Variants in ATP9A observed in about 807,000 individuals in gnomAD.
ATP9A encodes probable phospholipid-transporting ATPase IIA.
ATP9A carries 52 observed loss-of-function variants against 144.1 expected under a neutral mutation model. The ratio of observed to expected loss-of-function variants is 0.36; its 90% confidence interval spans 0.29 to 0.45. ATP9A has a LOEUF of 0.45. ATP9A is among the 20% of genes least tolerant of loss of function. ATP9A has a pLI of 1.00. For synonymous variants in ATP9A, 582 were observed against 557.4 expected (o/e 1.04, Z -0.62); for missense variants, 947 against 1,392.7 (o/e 0.68, Z 5.09).
At chr20:51,692,811 T>C (rs1020765668) in intron 7 of ATP9A, among the ~76,000 whole-genome samples, 12 of 152,068 alleles carry the variant, frequency 7.9e-5, no homozygotes, top group Non-Finnish European at 1.6e-4. Context: ...CATAAATAAA[T>C]AAATAATAAA....
intron 4 of ATP9A, among the ~76,000 whole-genome samples, chr20:51,702,348 T>C (rs1214953453): frequency 7.0e-6 from 1 of 142,362 alleles, no homozygotes; most frequent in Non-Finnish European, 1.5e-5. Context: ...GCCTTCATGC[T>C]TCATGGTGTG....
Position 51,609,709 on chromosome 20 carries a change from G to T in ATP9A, c.2636+392C>A, listed in dbSNP as rs192660076. On this transcript the variant is annotated intron_variant, in intron 24 of 27. Coordinates refer to ENST00000338821, the MANE Select transcript of ATP9A (RefSeq NM_006045.3). Reference sequence around the variant, plus strand: ...GCTCCAAGGATGGGACTTCTACTGGGCTCAGTTCAGGCCAGGAGGGCATTT... The same window carrying T: ...GCTCCAAGGATGGGACTTCTACTGGTCTCAGTTCAGGCCAGGAGGGCATTT... Among the ~76,000 whole-genome samples the T allele has an allele frequency of 1.8e-3, 269 of 152,274 alleles. 2 individuals are homozygous for T. Among genetic ancestry groups the T allele is most frequent in the East Asian group, 9.7e-4 (5 of 5,176 alleles).
Position 51,692,724 on chromosome 20 carries a change from C to T in ATP9A, c.642+1284G>A, listed in dbSNP as rs1411721795. On this transcript the variant is annotated intron_variant, in intron 7 of 27. Coordinates refer to ENST00000338821, the MANE Select transcript of ATP9A (RefSeq NM_006045.3). ...GGCTGAGGCAGGAAAATTGCTTGAA[C>T]CCAGGAGGTGGAGGTTGCAGTGAGC... is the stretch of plus-strand genomic sequence containing the variant. Among the ~76,000 whole-genome samples, 4 of 152,232 alleles carry T rather than the reference C, an allele frequency of 2.6e-5. No homozygotes were observed. In the East Asian group the frequency reaches 7.7e-4, roughly 29 times the overall value.
chr20:51,651,334 A>AT lies in ATP9A; in HGVS notation c.1506+5603dup, dbSNP rs1322366825. 2.7e-4 allele frequency among the ~76,000 whole-genome samples: 38 copies of AT among 141,466 alleles called. 1 individual carries two copies. The highest frequency in any genetic ancestry group is 4.1e-4 in the African/African-American group (16 of 38,902). The allele number at this position is 141,466 out of a possible 152,430, so 92.8% of individuals were successfully genotyped here. On this transcript the variant is annotated intron_variant, in intron 14 of 27. Transcript: ENST00000338821. ...AATATATTATATAATATATATTTAC[A>AT]TAATATATTATATAATATATATTTA... is the stretch of plus-strand genomic sequence containing the variant.
intron 4 of ATP9A, among the ~76,000 whole-genome samples, chr20:51,704,610 G>A (rs929063327): frequency 2.6e-5 from 4 of 151,978 alleles, no homozygotes; most frequent in Admixed American, 6.6e-5. Context: ...GAGAAACACC[G>A]TCTCTACTAA....
At chr20:51,704,407 A>G (rs1449852947) in intron 4 of ATP9A, among the ~76,000 whole-genome samples, 2 of 152,028 alleles carry the variant, frequency 1.3e-5, no homozygotes, top group Non-Finnish European at 2.9e-5. Flanking sequence ...ATTAAACAAT[A>G]GATCAGTTCA....
intron 1 of ATP9A, among the ~76,000 whole-genome samples, chr20:51,742,971 A>G (rs2077791485): frequency 6.6e-6 from 1 of 152,216 alleles, no homozygotes; most frequent in Non-Finnish European, 1.5e-5. Context: ...CCTTAAATTT[A>G]TCACTGCAGC....
At chr20:51,716,634 C>T (rs1039109407) in intron 3 of ATP9A, among the ~76,000 whole-genome samples, 11 of 151,524 alleles carry the variant, frequency 7.3e-5, no homozygotes, top group South Asian at 2.1e-4. Context: ...CCAGCCTGGG[C>T]GACAGAATGA....
chr20:51,670,157 GTTATTAT>G, intron 12 of ATP9A, 48 bp from the exon 13 acceptor site: 1 of 1,441,910 alleles, frequency 6.9e-7, no homozygotes, highest in Non-Finnish European at 9.8e-7. Flanking sequence ...CAGGATGTTT[GTTATTAT>G]TAACAGTAAT....
chr20:51,623,702 C>G (rs1240835154), intron 18 of ATP9A, among the ~76,000 whole-genome samples: 3 of 150,682 alleles, frequency 2.0e-5, no homozygotes, highest in Non-Finnish European at 4.4e-5. Flanking sequence ...GCAGGAGAAT[C>G]TCTTGAACCC....
chr20:51,733,815 A>C (rs1286042251), intron 1 of ATP9A, among the ~76,000 whole-genome samples: 5 of 152,100 alleles, frequency 3.3e-5, no homozygotes, highest in Admixed American at 3.3e-4. Flanking sequence ...ATGGGACTAA[A>C]GGCATGTGCC....
At chr20:51,684,424 C>T (rs1275846397) in intron 9 of ATP9A, among the ~76,000 whole-genome samples, 6 of 152,174 alleles carry the variant, frequency 3.9e-5, no homozygotes, top group Non-Finnish European at 8.8e-5. Context: ...CGGCCAGGCG[C>T]GGTGGCTCAT....
In ATP9A at chr20:51,601,210, C is replaced by A. The variant is rs755045504; in HGVS notation, c.*1G>T. 1 of 1,610,510 alleles carries A rather than the reference C, an allele frequency of 6.2e-7. No homozygotes were observed. Among genetic ancestry groups the A allele is most frequent in the African/African-American group, 1.3e-5 (1 of 74,926 alleles). The stretch of plus-strand genomic sequence containing the variant: ...AGGGCCCCCTCCAGCGAACGCACGG[C>A]CTATGATGTGAGCTTTGAGTAGCTG... On this transcript the variant is annotated 3_prime_UTR_variant, in exon 28 of 28. Coordinates refer to ENST00000338821, the MANE Select transcript of ATP9A (RefSeq NM_006045.3).
At chr20:51,689,969 A>G (rs2077539714) in intron 8 of ATP9A, among the ~76,000 whole-genome samples, 3 of 151,118 alleles carry the variant, frequency 2.0e-5, no homozygotes, top group South Asian at 2.1e-4. Context: ...AAAATTAGCC[A>G]GGCGTGGTGA....
intron 11 of ATP9A, among the ~76,000 whole-genome samples, chr20:51,671,576 A>AT (rs1031987979): frequency 6.6e-6 from 1 of 152,094 alleles, no homozygotes; most frequent in Non-Finnish European, 1.5e-5. Flanking sequence ...TGCTATATTC[A>AT]TTTTTTTAAT....
intron 14 of ATP9A, among the ~76,000 whole-genome samples, chr20:51,652,744 A>G (rs1164610972): frequency 6.6e-6 from 1 of 152,220 alleles, no homozygotes; most frequent in Non-Finnish European, 1.5e-5. Context: ...TTTTCTGATC[A>G]ATGCATTCAT....
intron 7 of ATP9A, 46 bp downstream of exon 7, chr20:51,693,962 C>A: frequency 6.4e-7 from 1 of 1,554,030 alleles, no homozygotes. Context: ...GAGAACCCTG[C>A]TAAGATAGGT....
chr20:51,649,939 C>G lies in ATP9A; in HGVS notation c.1506+6999G>C, dbSNP rs546314906. 2.1e-4 allele frequency among the ~76,000 whole-genome samples: 32 copies of G among 150,078 alleles called. No homozygotes were observed. The East Asian group carries it at 6.3e-3, about 30-fold the overall frequency. On this transcript the variant is annotated intron_variant, in intron 14 of 27. Coordinates refer to ENST00000338821, the MANE Select transcript of ATP9A (RefSeq NM_006045.3). ...AAAAAAAAAAAAAAAAATCACACAG[C>G]TGATTGAATTGAAAGTTACAAGTTA...
At chr20:51,748,505 A>G (rs1047357186) in intron 1 of ATP9A, among the ~76,000 whole-genome samples, 1 of 152,246 alleles carries the variant, frequency 6.6e-6, no homozygotes, top group African/African-American at 2.4e-5. Flanking sequence ...AATGTTGGCA[A>G]CTGATTCAAT....
Sources: allele counts gnomAD v4.1 joint callset (sites outside exome capture counted in the v4.1 genomes callset), GRCh38; gene constraint gnomAD v4.1.1; transcripts MANE v1.5; gene names NCBI Gene and HGNC (gene_info 2026-07-23, HGNC 2026-07-21).